Variants in ANKFN1 observed in about 807,000 individuals in gnomAD.
The protein encoded by ANKFN1 is ankyrin repeat and fibronectin type III domain containing 1.
Under a neutral mutation model 108.7 loss-of-function variants are expected in ANKFN1, and 74 were observed. The observed-to-expected ratio is 0.68, with a 90% CI of 0.56 to 0.83. ANKFN1 has a LOEUF of 0.83. Among genes scored for constraint, ANKFN1 ranks in the 40% least tolerant of loss-of-function variants. The probability of loss-of-function intolerance (pLI) is 0.00; values close to 1 mark genes in which losing one functional copy is unlikely to be tolerated. For missense variants in ANKFN1, 1,505 were observed against 1,382.3 expected (o/e 1.09, Z -1.41); for synonymous variants, 547 against 516.2 (o/e 1.06, Z -0.81).
At chr17:56,082,860 T>A (rs1905265281) in intron 4 of ANKFN1, among the ~76,000 whole-genome samples, 1 of 141,412 alleles carries the variant, frequency 7.1e-6, no homozygotes. Context: ...CCTGTCCCAG[T>A]GAGCTCTCCA....
intron 8 of ANKFN1, among the ~76,000 whole-genome samples, chr17:56,401,537 A>G (rs1193652655): frequency 6.6e-6 from 1 of 152,064 alleles, no homozygotes; most frequent in Non-Finnish European, 1.5e-5. Flanking sequence ...TTAATCTTGT[A>G]TCTGAAAACT....
chr17:56,481,838 A>AT (rs2050716205), intron 17 of ANKFN1, among the ~76,000 whole-genome samples: 1 of 152,230 alleles, frequency 6.6e-6, no homozygotes, highest in Non-Finnish European at 1.5e-5. Context: ...ATACTATTAA[A>AT]GCGTTTCTTG....
At chr17:56,201,348 T>C (rs146184692) in intron 1 of ANKFN1, among the ~76,000 whole-genome samples, 3 of 152,332 alleles carry the variant, frequency 2.0e-5, no homozygotes, top group East Asian at 3.9e-4. Flanking sequence ...AGACCTTTGT[T>C]TGAGCGCTCC....
At chr17:56,073,534 C>T (rs1905145221) in intron 4 of ANKFN1, among the ~76,000 whole-genome samples, 1 of 152,164 alleles carries the variant, frequency 6.6e-6, no homozygotes, top group African/African-American at 2.4e-5. Flanking sequence ...ATTCATAGAA[C>T]ACAAAATTAG....
intron 8 of ANKFN1, among the ~76,000 whole-genome samples, chr17:56,377,094 G>A (rs1001300630): frequency 1.3e-5 from 2 of 152,206 alleles, no homozygotes; most frequent in African/African-American, 4.8e-5. Flanking sequence ...GTTTACCCCT[G>A]CAGCATTTAG....
chr17:56,366,748 T>A (rs1047267421), intron 6 of ANKFN1, among the ~76,000 whole-genome samples: 4 of 152,234 alleles, frequency 2.6e-5, no homozygotes, highest in Admixed American at 2.6e-4. Flanking sequence ...AGAGTCTGGC[T>A]GTGTGGTAGG....
At chr17:56,144,185 A>ACT (rs1555600057) in intron 4 of ANKFN1, among the ~76,000 whole-genome samples, 20,862 of 99,202 alleles carry the variant, frequency 0.21, 4,390 homozygotes, top group East Asian at 0.41. Flanking sequence ...AAAAAAAAAA[A>ACT]CAGCCCAAAC....
At chr17:56,316,008 C>T (rs890986564) in intron 3 of ANKFN1, among the ~76,000 whole-genome samples, 5 of 152,146 alleles carry the variant, frequency 3.3e-5, no homozygotes, top group African/African-American at 9.7e-5. Flanking sequence ...CATTAAATGC[C>T]TCTTTGCTGC....
chr17:56,469,978 C>A (rs541074334), intron 15 of ANKFN1, among the ~76,000 whole-genome samples: 1 of 152,128 alleles, frequency 6.6e-6, no homozygotes, highest in East Asian at 1.9e-4. Context: ...AGGTTGTTCC[C>A]CTCCCTGTGT....
At chr17:56,501,763 C>G (rs1384841757) in intron 20 of ANKFN1, among the ~76,000 whole-genome samples, 1 of 151,896 alleles carries the variant, frequency 6.6e-6, no homozygotes, top group Non-Finnish European at 1.5e-5. Context: ...AGCATCAAGA[C>G]CTATTAGACT....
At chr17:56,403,666 TG>T (rs1281673414) in intron 8 of ANKFN1, among the ~76,000 whole-genome samples, 6 of 152,192 alleles carry the variant, frequency 3.9e-5, no homozygotes, top group Non-Finnish European at 7.4e-5. Flanking sequence ...TATTGAAATA[TG>T]GGGTACTGTT....
intron 8 of ANKFN1, among the ~76,000 whole-genome samples, chr17:56,411,139 A>C (rs867273892): frequency 2.5e-4 from 38 of 152,242 alleles, no homozygotes; most frequent in African/African-American, 8.9e-4. Flanking sequence ...TGAACATGGG[A>C]TGTCTTTCCA....
intron 8 of ANKFN1, among the ~76,000 whole-genome samples, chr17:56,435,944 C>T (rs1173263636): frequency 1.3e-5 from 2 of 152,100 alleles, no homozygotes; most frequent in African/African-American, 2.4e-5. Flanking sequence ...ATGTTCTCTG[C>T]TTGGGTACCC....
At chr17:56,483,312 G>C (rs1343175428) in intron 18 of ANKFN1, among the ~76,000 whole-genome samples, 4 of 152,192 alleles carry the variant, frequency 2.6e-5, no homozygotes, top group Non-Finnish European at 5.9e-5. Flanking sequence ...AGTTCGGTCA[G>C]TTCAAATGAA....
intron 9 of ANKFN1, among the ~76,000 whole-genome samples, chr17:56,442,467 A>C (rs535483083): frequency 6.6e-6 from 1 of 152,222 alleles, no homozygotes; most frequent in Non-Finnish European, 1.5e-5. Context: ...GAAAATAAGG[A>C]GAATGATGTG....
intron 1 of ANKFN1, among the ~76,000 whole-genome samples, chr17:56,179,587 A>G (rs1278772090): frequency 6.6e-6 from 1 of 152,226 alleles, no homozygotes; most frequent in Admixed American, 6.5e-5. Flanking sequence ...GGGAAAACAC[A>G]GAGACCTGAA....
chr17:56,185,084 C>A (rs1912062733), intron 1 of ANKFN1: 1 of 152,162 alleles, frequency 6.6e-6, no homozygotes, highest in Non-Finnish European at 1.5e-5. Context: ...TTTTATCAAT[C>A]TCTGTCCACG....
intron 4 of ANKFN1, among the ~76,000 whole-genome samples, chr17:56,331,643 C>T (rs1373538749): frequency 6.6e-6 from 1 of 152,186 alleles, no homozygotes; most frequent in East Asian, 1.9e-4. Flanking sequence ...AGCCAGAGTT[C>T]AAATCCTGCT....
intron 1 of ANKFN1, among the ~76,000 whole-genome samples, chr17:56,157,649 C>T (rs1397840251): frequency 2.0e-5 from 3 of 152,180 alleles, no homozygotes; most frequent in Non-Finnish European, 4.4e-5. Flanking sequence ...TTTCCAAGTT[C>T]CCATTGAGGC....
Sources: gnomAD v4.1 joint callset for allele counts (sites outside exome capture counted in the v4.1 genomes callset) on GRCh38, gnomAD v4.1.1 for gene constraint, MANE v1.5 for transcripts, NCBI Gene and HGNC (gene_info 2026-07-23, HGNC 2026-07-21) for gene names.